Variants in DCHS2 observed in about 807,000 individuals in gnomAD.
DCHS2 encodes dachsous cadherin-related 2.
In DCHS2, 142 loss-of-function variants were observed where a neutral mutation model predicts 182.4. That is an observed-to-expected ratio of 0.78 (90% CI 0.68 to 0.89). The LOEUF (loss-of-function observed/expected upper bound fraction) is 0.89, where lower values mean the gene tolerates loss of function less well. Ranked by LOEUF, DCHS2 falls within the 40% of genes least tolerant of loss-of-function variation. DCHS2 has a pLI of 0.00. For synonymous variants in DCHS2, 1,740 were observed against 1,663.3 expected, an observed-to-expected ratio of 1.05 and a Z score of -1.12; for missense variants, 4,319 against 4,198.6, an observed-to-expected ratio of 1.03 and a Z score of -0.79.
At position 154,491,698 on chromosome 4, in the gene DCHS2, T is replaced by A. The variant is rs1424176663; in HGVS notation, c.-343A>T. The A allele has an allele frequency of 3.6e-6, 4 of 1,119,670 alleles. No individual in the cohort carries two copies. Among genetic ancestry groups the A allele is most frequent in the Non-Finnish European group, 4.4e-6 (4 of 917,810 alleles). The allele number at this position is 1,119,670 out of a possible 1,614,324, so 69.4% of individuals were successfully genotyped here. ...TACTCGGCTGGTTGTTCCCCCCTGG[T>A]AAAGTCAGGTGCATTATTTCTTTTG... is the stretch of plus-strand genomic sequence containing the variant. On this transcript the variant is annotated 5_prime_UTR_variant, in exon 1 of 20. Transcript: ENST00000357232.
chr4:154,462,352 A>G, intron 1 of DCHS2, among the ~76,000 whole-genome samples: 1 of 152,082 alleles, frequency 6.6e-6, no homozygotes, highest in Admixed American at 6.6e-5. Context: ...GAACAATCAC[A>G]CTTTATGTTT....
chr4:154,374,704 A>G (rs1730807135), intron 2 of DCHS2, among the ~76,000 whole-genome samples: 1 of 152,194 alleles, frequency 6.6e-6, no homozygotes, highest in Non-Finnish European at 1.5e-5. Context: ...CACAGCTTAA[A>G]TAGGTGGATT....
At chr4:154,416,164 T>C (rs1371193720) in intron 1 of DCHS2, among the ~76,000 whole-genome samples, 1 of 152,046 alleles carries the variant, frequency 6.6e-6, no homozygotes, top group Non-Finnish European at 1.5e-5. Flanking sequence ...CTAAGTCAAA[T>C]GGTCATGATC....
intron 1 of DCHS2, among the ~76,000 whole-genome samples, chr4:154,443,550 C>T (rs1734124425): frequency 6.6e-6 from 1 of 152,104 alleles, no homozygotes; most frequent in Admixed American, 6.6e-5. Flanking sequence ...ACTACCATCC[C>T]CACTGCAAAC....
chr4:154,269,151 G>C (rs1198217125), intron 14 of DCHS2: 4 of 152,198 alleles, frequency 2.6e-5, no homozygotes, highest in African/African-American at 7.2e-5. Flanking sequence ...ACCAAAGGCT[G>C]TATGGACCAA....
intron 1 of DCHS2, among the ~76,000 whole-genome samples, chr4:154,428,596 T>C (rs569647837): frequency 6.6e-6 from 1 of 151,794 alleles, no homozygotes; most frequent in African/African-American, 2.4e-5. Context: ...TTGGTAAATA[T>C]GTGGTTGTTG....
rs569318209 is a variant in DCHS2, at chr4:154,232,519, A to G, written c.*2017T>C. 48 of 152,334 alleles carry G rather than the reference A, an allele frequency of 3.2e-4. No individual in the cohort carries two copies. The highest frequency in any genetic ancestry group is 1.1e-3 in the African/African-American group (47 of 41,590). 9.4% of individuals were successfully genotyped at this position (152,334 alleles called of 1,614,324 possible). A position where few individuals can be genotyped will look rare whatever the true frequency, so the allele number is the denominator to read the frequency against. On this transcript the variant is annotated 3_prime_UTR_variant, in exon 20 of 20. Transcript: ENST00000357232. ...ACTAACTTAGGGAATAGGTAGATGA[A>G]TAACTCTTTTTAAGCATAAGTAAAT...
intron 1 of DCHS2, among the ~76,000 whole-genome samples, chr4:154,463,016 C>G (rs777255468): frequency 6.6e-5 from 10 of 151,762 alleles, no homozygotes; most frequent in Non-Finnish European, 1.2e-4. Context: ...AGACTCTTCC[C>G]CATACCAAAT....
At position 154,491,098 on chromosome 4, in the gene DCHS2, G is replaced by T. The variant is rs749768787; in HGVS notation, c.258C>A (p.Ile86=). 5.2e-6 allele frequency: 8 copies of T among 1,551,364 alleles called. No homozygotes were observed. The highest frequency in any genetic ancestry group is 1.7e-4 in the Middle Eastern group (1 of 5,992). ...GCTGCGCGGCCGGCAGCCCGGCGCG[G>T]ATGTCACCTACCAGCGTGTCCGGGG... ...GLPPDTLVGD[I]RAGLPAAQQQ... The change falls in exon 1 of 20, where the codon ATC becomes ATA. Residue 86 remains isoleucine (I), a synonymous_variant. Transcript: ENST00000357232.
chr4:154,294,027 G>A (rs925646776), intron 13 of DCHS2, among the ~76,000 whole-genome samples: 3 of 152,076 alleles, frequency 2.0e-5, no homozygotes, highest in African/African-American at 7.2e-5. Context: ...ATGGTTAAAT[G>A]GTAAAATGAT....
chr4:154,295,326 AT>A (rs1734873728), intron 13 of DCHS2, among the ~76,000 whole-genome samples: 1 of 152,254 alleles, frequency 6.6e-6, no homozygotes, highest in African/African-American at 2.4e-5. Flanking sequence ...GCCTAGTTAG[AT>A]AATGCTCATT....
chr4:154,331,193 T>C (rs1170304351), intron 5 of DCHS2, among the ~76,000 whole-genome samples: 11 of 152,180 alleles, frequency 7.2e-5, no homozygotes, highest in Admixed American at 7.2e-4. Context: ...ATTCTTTAGC[T>C]CTTTACCCCT....
intron 3 of DCHS2, chr4:154,343,673 G>T: frequency 7.1e-7 from 1 of 1,414,610 alleles, no homozygotes; most frequent in Non-Finnish European, 9.3e-7. Context: ...TTAGGACCTT[G>T]CTCTGGATTA....
At chr4:154,456,672 T>C (rs543609692) in intron 1 of DCHS2, among the ~76,000 whole-genome samples, 1 of 152,178 alleles carries the variant, frequency 6.6e-6, no homozygotes, top group South Asian at 2.1e-4. Context: ...AAGGACTTGA[T>C]GGATTTAGAA....
chr4:154,350,443 T>C (rs989720827), intron 3 of DCHS2, among the ~76,000 whole-genome samples: 4 of 152,202 alleles, frequency 2.6e-5, no homozygotes, highest in Admixed American at 1.3e-4. Flanking sequence ...GGTGAAACTG[T>C]ACATCTATGC....
chr4:154,475,155 T>C (rs1735633795), intron 1 of DCHS2, among the ~76,000 whole-genome samples: 1 of 152,198 alleles, frequency 6.6e-6, no homozygotes, highest in Non-Finnish European at 1.5e-5. Context: ...TTGAATTTTT[T>C]ATACATATCA....
intron 1 of DCHS2, among the ~76,000 whole-genome samples, chr4:154,395,332 T>C (rs575457690): frequency 4.7e-4 from 72 of 152,192 alleles, no homozygotes; most frequent in Non-Finnish European, 6.3e-4. Context: ...CAGCTACAGG[T>C]GTGTGCCTCT....
In DCHS2 at chr4:154,470,859, T is replaced by C. The variant is rs1426585222; in HGVS notation, c.2052+18445A>G. ...ATACTTTTCCCTTTGTAATACTTGGTCAAAGTTAACTAACAATTATTACAG... is the reference window on the plus strand; with the variant it reads ...ATACTTTTCCCTTTGTAATACTTGGCCAAAGTTAACTAACAATTATTACAG... On this transcript the variant is annotated intron_variant, in intron 1 of 19. Coordinates refer to ENST00000357232, the MANE Select transcript of DCHS2 (RefSeq NM_001358235.2). 2.6e-5 allele frequency among the ~76,000 whole-genome samples: 4 copies of C among 152,170 alleles called. No individual in the cohort carries two copies. The East Asian group carries it at 5.8e-4, about 22-fold the overall frequency.
intron 3 of DCHS2, among the ~76,000 whole-genome samples, chr4:154,355,961 C>A (rs907572064): frequency 6.6e-6 from 1 of 151,970 alleles, no homozygotes; most frequent in Non-Finnish European, 1.5e-5. Context: ...TTATATCATA[C>A]TTTTTATTAT....
Sources: gnomAD v4.1 joint callset for allele counts (sites outside exome capture counted in the v4.1 genomes callset) on GRCh38, gnomAD v4.1.1 for gene constraint, MANE v1.5 for transcripts, NCBI Gene and HGNC (gene_info 2026-07-23, HGNC 2026-07-21) for gene names.